The following C1QTNF6 variants were observed in gnomAD, a reference collection of about 807,000 sequenced individuals.
The protein encoded by C1QTNF6 is C1q and TNF related 6, also known as complement C1q tumor necrosis factor-related protein 6.
A neutral mutation model predicts 20.7 loss-of-function variants in C1QTNF6; 17 were observed. That is an observed-to-expected ratio of 0.82 (90% CI 0.56 to 1.23). The LOEUF is 1.23. Among genes scored for constraint, C1QTNF6 ranks in the 50% most tolerant of loss-of-function variants. The pLI is 0.00. For synonymous variants in C1QTNF6, 130 were observed against 156.3 expected (o/e 0.83, Z 1.25); for missense variants, 329 against 389.7 (o/e 0.84, Z 1.31).
chr22:37,199,202 A>G (rs1925339205), upstream of C1QTNF6: 1 of 152,250 alleles, frequency 6.6e-6, no homozygotes. Flanking sequence ...CTGCAAAACG[A>G]AGGCGAAAGA....
chr22:37,187,738 G>A lies in C1QTNF6; in HGVS notation c.51+425C>T, dbSNP rs1016028346. On this transcript the variant is annotated intron_variant, in intron 1 of 2. Coordinates refer to ENST00000337843, the MANE Select transcript of C1QTNF6 (RefSeq NM_031910.4). ...TGAGACACAGAACCGTGGCCTGGGA[G>A]CAGGAATCAGGAAGCCGTTAACGAG... is the stretch of plus-strand genomic sequence containing the variant. Among the ~76,000 whole-genome samples, 8 of 152,266 alleles carry A rather than the reference G, an allele frequency of 5.3e-5. No individual in the cohort carries two copies. The East Asian group carries it at 1.5e-3, about 29-fold the overall frequency.
At chr22:37,189,660 G>C (rs1270731078), upstream of C1QTNF6, among the ~76,000 whole-genome samples, 3 of 152,214 alleles carry the variant, frequency 2.0e-5, no homozygotes, top group Non-Finnish European at 4.4e-5. Flanking sequence ...TGTGTTCAGA[G>C]TCATTTGTAA....
At chr22:37,186,625 C>T (rs909648536) in intron 1 of C1QTNF6, among the ~76,000 whole-genome samples, 2 of 152,110 alleles carry the variant, frequency 1.3e-5, no homozygotes, top group African/African-American at 2.4e-5. Context: ...GGACACCAGG[C>T]GCTAGAGACA....
rs1169419521 is a variant in C1QTNF6 at position 37,182,784 on chromosome 22, C to G, written c.290-49G>C. The stretch of plus-strand genomic sequence containing the variant: ...GTCAGGGTGGACATCTGAGCCTGCT[C>G]CAAGGAGGTGCCCACACTCATCTGT... On this transcript the variant is annotated intron_variant, in intron 2 of 2. Transcript: ENST00000337843. The G allele has an allele frequency of 2.7e-6, 4 of 1,508,772 alleles. No individual in the cohort carries two copies. In the South Asian group the frequency reaches 3.9e-5, roughly 15 times the overall value. 93.5% of individuals were successfully genotyped at this position (1,508,772 alleles called of 1,614,324 possible). A position where few individuals can be genotyped will look rare whatever the true frequency, so the allele number is the denominator to read the frequency against.
chr22:37,182,737 T>A lies in C1QTNF6; in HGVS notation c.290-2A>T, dbSNP rs768485701. 17 of 1,593,456 alleles carry A rather than the reference T, an allele frequency of 1.1e-5. No individual in the cohort carries two copies. The highest frequency in any genetic ancestry group is 1.5e-5 in the Non-Finnish European group (17 of 1,171,770). ...TTGGGCCTGGGTCCCCTTTGTCACC[T>A]GTGGGGATAAAAAGGGGACAAGTCA... On this transcript the variant is annotated splice_acceptor_variant, in intron 2 of 2. Coordinates refer to ENST00000337843, the MANE Select transcript of C1QTNF6 (RefSeq NM_031910.4). LOFTEE classifies it high-confidence loss of function.
Position 37,184,442 on chromosome 22 carries a change from T to G in C1QTNF6, c.289+776A>C. On this transcript the variant is annotated intron_variant, in intron 2 of 2. Coordinates refer to ENST00000337843, the MANE Select transcript of C1QTNF6 (RefSeq NM_031910.4). The surrounding 1 kb of genome is among the most constrained non-coding windows in gnomAD (Gnocchi z 4.0). ...GGAAGCGAGTCCTTCCACGTCCTAT[T>G]GAGAGAGCGGGTAGCCAGCCCGCAC... 1 of 716,776 alleles carries G rather than the reference T, an allele frequency of 1.4e-6. No homozygotes were observed. The highest frequency in any genetic ancestry group is 2.6e-6 in the Non-Finnish European group (1 of 384,904). 44.4% of individuals were successfully genotyped at this position (716,776 alleles called of 1,614,324 possible).
upstream of C1QTNF6, chr22:37,190,748 T>G (rs1454266409): frequency 6.6e-6 from 1 of 151,750 alleles, no homozygotes; most frequent in South Asian, 2.1e-4. Flanking sequence ...AATAACTATA[T>G]TGCCGTAAGT....
intron 2 of C1QTNF6, among the ~76,000 whole-genome samples, chr22:37,193,765 C>G (rs5756546): frequency 5.3e-5 from 8 of 152,132 alleles, no homozygotes; most frequent in Admixed American, 4.6e-4. Context: ...GATCTAGAAT[C>G]GCCAAGGGTA....
rs148925901 is a variant in C1QTNF6 at position 37,194,587 on chromosome 22, G to A, written n.224+794C>T. Among the ~76,000 whole-genome samples the A allele has an allele frequency of 9.9e-5, 15 of 152,254 alleles. No homozygotes were observed. The East Asian group carries it at 1.9e-3, about 20-fold the overall frequency. On this transcript the variant is annotated intron_variant and non_coding_transcript_variant, in intron 2 of 4. Coordinates refer to the C1QTNF6 transcript ENST00000467564. ...CCAAGACACGTTACAAAAGAAAATCGTCTTTTTCCATTTCATGGAACCACA... is the reference window on the plus strand; with the variant it reads ...CCAAGACACGTTACAAAAGAAAATCATCTTTTTCCATTTCATGGAACCACA...
intron 1 of C1QTNF6, chr22:37,197,496 T>C (rs906629907): frequency 4.6e-5 from 7 of 152,288 alleles, no homozygotes; most frequent in Non-Finnish European, 1.0e-4. Context: ...GCCAACTGTG[T>C]GCCTGGCAGT....
chr22:37,188,287 G>A (rs1051524056), upstream of C1QTNF6: 65 of 1,449,160 alleles, frequency 4.5e-5, no homozygotes, highest in Non-Finnish European at 5.6e-5. Flanking sequence ...CAGCAGAGGA[G>A]GGAGAGAGGA....
intron 1 of C1QTNF6, chr22:37,195,765 T>C (rs1175835376): frequency 6.6e-6 from 1 of 152,188 alleles, no homozygotes; most frequent in Non-Finnish European, 1.5e-5. Flanking sequence ...ATAAGGTAAT[T>C]TCTGGACATT....
At chr22:37,190,628 T>C (rs1924754855), upstream of C1QTNF6, 1 of 151,914 alleles carries the variant, frequency 6.6e-6, no homozygotes, top group South Asian at 2.1e-4. Context: ...TTTGAAAGCA[T>C]GCCACTCGAG....
chr22:37,183,673 G>A (rs1476770146), intron 2 of C1QTNF6, among the ~76,000 whole-genome samples: 1 of 152,236 alleles, frequency 6.6e-6, no homozygotes, highest in South Asian at 2.1e-4. Context: ...GGAGGGCACA[G>A]GCCCTTGAGG....
chr22:37,190,031 CTT>C (rs1924708925), upstream of C1QTNF6, among the ~76,000 whole-genome samples: 1 of 152,198 alleles, frequency 6.6e-6, no homozygotes, highest in East Asian at 1.9e-4. Context: ...ATCCATCCCT[CTT>C]GTTTCTGACG....
Position 37,185,289 on chromosome 22 carries a change from G to A in C1QTNF6, c.218C>T (p.Ser73Leu). The change falls in exon 2 of 3, where the codon TCA becomes TTA. Residue 73 changes from serine to leucine, a missense_variant. Coordinates refer to ENST00000337843, the MANE Select transcript of C1QTNF6 (RefSeq NM_031910.4). ...GTGGGGGCGGCCGGAGGAAGAGGCT[G>A]AGGATACATGGGCAGGATCCAGGGG... ...EDPLDPAHVS[S>L]ASSSGRPHAL... The A allele has an allele frequency of 2.5e-6, 4 of 1,612,540 alleles. No homozygotes were observed. The highest frequency in any genetic ancestry group is 3.4e-6 in the Non-Finnish European group (4 of 1,179,200).
intron 1 of C1QTNF6, chr22:37,186,176 T>C (rs922223539): frequency 5.1e-6 from 5 of 976,684 alleles, no homozygotes; most frequent in Non-Finnish European, 6.1e-6. Context: ...GAATACTGGG[T>C]CCTTGACTGC....
chr22:37,185,212 A>C lies in C1QTNF6; in HGVS notation c.289+6T>G. 4 of 1,547,244 alleles carry C rather than the reference A, an allele frequency of 2.6e-6. No individual in the cohort carries two copies. The highest frequency in any genetic ancestry group is 3.5e-6 in the Non-Finnish European group (4 of 1,141,732). On this transcript the variant is annotated splice_donor_region_variant and intron_variant, in intron 2 of 2. Coordinates refer to ENST00000337843, the MANE Select transcript of C1QTNF6 (RefSeq NM_031910.4). ...CCACTACCAGGCCCCACAGGAGGGC[A>C]CTCACCCTTCAGGATGGTGATATTA...
At chr22:37,183,954 G>A (rs1018699919) in intron 2 of C1QTNF6, among the ~76,000 whole-genome samples, 4 of 152,124 alleles carry the variant, frequency 2.6e-5, no homozygotes, top group Admixed American at 2.6e-4. Context: ...TGGGACCCAG[G>A]ACTCCCAAAG....
Sources: allele counts gnomAD v4.1 joint callset (sites outside exome capture counted in the v4.1 genomes callset), GRCh38; gene constraint gnomAD v4.1.1; non-coding constraint Gnocchi (gnomAD v3.1); transcripts MANE v1.5; gene names NCBI Gene and HGNC (gene_info 2026-07-23, HGNC 2026-07-21).